The following ANKRD36C variants were observed in gnomAD, a reference collection of about 807,000 sequenced individuals.
ANKRD36C encodes the protein ankyrin repeat domain-containing protein 36C.
ANKRD36C carries 61 observed loss-of-function variants against 276.4 expected under a neutral mutation model. That is an observed-to-expected ratio of 0.22 (90% CI 0.18 to 0.27). The LOEUF (loss-of-function observed/expected upper bound fraction) is 0.27, where lower values mean the gene tolerates loss of function less well. ANKRD36C is among the 10% of genes least tolerant of loss of function. The pLI, the probability that ANKRD36C is intolerant of heterozygous loss-of-function variation, is 1.00. For synonymous variants in ANKRD36C, 483 were observed against 680.1 expected (o/e 0.71, Z 4.51); for missense variants, 1,447 against 2,032.3 (o/e 0.71, Z 5.54).
At chr2:95,940,734 C>T (rs1677858262) in intron 20 of ANKRD36C, among the ~76,000 whole-genome samples, 1 of 127,946 alleles carries the variant, frequency 7.8e-6, no homozygotes, top group Non-Finnish European at 1.6e-5. Context: ...GTTTCCTCAT[C>T]AGAAACCTCC....
chr2:95,922,496 A>T (rs568525031), intron 32 of ANKRD36C, among the ~76,000 whole-genome samples: 21 of 151,644 alleles, frequency 1.4e-4, no homozygotes, highest in Non-Finnish European at 2.7e-4. Flanking sequence ...TATAAACCTC[A>T]ATAAAAAGCA....
At position 95,886,117 on chromosome 2, in the gene ANKRD36C, T is replaced by C. The variant is rs1394504425; in HGVS notation, c.3094A>G (p.Thr1032Ala). 5 of 1,609,560 alleles carry C rather than the reference T, an allele frequency of 3.1e-6. 1 individual carries two copies. Among genetic ancestry groups the C allele is most frequent in the Middle Eastern group, 1.7e-4 (1 of 6,038 alleles). The stretch of plus-strand genomic sequence containing the variant: ...GAAACAGAATCTTTCTTGACACTTG[T>C]AGCCTGAATGGGATTTGAAACAAAA... The change falls in exon 52 of 67, where the codon ACA becomes GCA. Residue 1032 changes from threonine (T) to alanine (A), a missense_variant. Transcript: ENST00000456556.
chr2:95,964,796 C>G (rs201543129), intron 6 of ANKRD36C, among the ~76,000 whole-genome samples: 3 of 152,044 alleles, frequency 2.0e-5, no homozygotes, highest in Admixed American at 2.0e-4. Context: ...GCAGACAGTA[C>G]TGAGTAGTAA....
At chr2:95,916,215 A>T in intron 36 of ANKRD36C, 44 bp from the exon 39 acceptor site, 1 of 1,600,460 alleles carries the variant, frequency 6.2e-7, no homozygotes, top group Non-Finnish European at 8.5e-7. Flanking sequence ...CGTAAATATG[A>T]TAAAGTTATC....
chr2:95,869,735 G>C (rs1404961787), intron 59 of ANKRD36C, among the ~76,000 whole-genome samples: 1 of 152,216 alleles, frequency 6.6e-6, no homozygotes, highest in Non-Finnish European at 1.5e-5. Context: ...AAGTGGAAGG[G>C]GTCAGGGAGT....
chr2:95,871,856 G>C (rs1395228635), intron 59 of ANKRD36C, among the ~76,000 whole-genome samples: 1 of 150,260 alleles, frequency 6.7e-6, no homozygotes, highest in Non-Finnish European at 1.5e-5. Context: ...AAAAAGGCAG[G>C]GGTTGCAATC....
At position 95,902,963 on chromosome 2, in the gene ANKRD36C, A is replaced by G. The variant is rs1164967333; in HGVS notation, c.2654-3627T>C. 3 of 1,587,464 alleles carry G rather than the reference A, an allele frequency of 1.9e-6. 1 individual carries two copies. Among genetic ancestry groups the G allele is most frequent in the Non-Finnish European group, 2.6e-6 (3 of 1,164,902 alleles). ...ATCTTTCTCGTCTCTTGTAGCCTGAATGGAATTTGAAATGCAATAATAAAT... is the reference window on the plus strand; with the variant it reads ...ATCTTTCTCGTCTCTTGTAGCCTGAGTGGAATTTGAAATGCAATAATAAAT... On this transcript the variant is annotated intron_variant, in intron 42 of 66. Transcript: ENST00000456556.
At chr2:95,933,493 T>A (rs1477157322) in intron 24 of ANKRD36C, among the ~76,000 whole-genome samples, 1 of 152,224 alleles carries the variant, frequency 6.6e-6, no homozygotes, top group Non-Finnish European at 1.5e-5. Context: ...GTCTTTCTCA[T>A]CCCTTGTGAG....
At chr2:95,922,034 CG>C (rs891008551) in intron 32 of ANKRD36C, among the ~76,000 whole-genome samples, 2 of 151,468 alleles carry the variant, frequency 1.3e-5, no homozygotes, top group African/African-American at 4.8e-5. Context: ...TATGATTTCT[CG>C]TATATCTAAA....
At chr2:95,855,689 G>A in exon 63 of ANKRD36C, 1 of 1,612,072 alleles carries the variant, frequency 6.2e-7, no homozygotes, top group Non-Finnish European at 8.5e-7. Flanking sequence ...CGAGGACTCT[G>A]AACTTACTCT....
At chr2:95,959,925 C>A (rs911495418) in intron 10 of ANKRD36C, among the ~76,000 whole-genome samples, 1 of 152,220 alleles carries the variant, frequency 6.6e-6, no homozygotes, top group Non-Finnish European at 1.5e-5. Context: ...CTAAATGCAT[C>A]TGAAGTGAGT....
chr2:95,909,065 A>G (rs1246592476), intron 42 of ANKRD36C, among the ~76,000 whole-genome samples: 26 of 150,182 alleles, frequency 1.7e-4, no homozygotes, highest in Non-Finnish European at 3.1e-4. Flanking sequence ...GATCCCACTT[A>G]TCTTTCATGC....
chr2:95,981,855 C>T (rs1307538281), intron 4 of ANKRD36C, among the ~76,000 whole-genome samples: 1 of 152,028 alleles, frequency 6.6e-6, no homozygotes, highest in African/African-American at 2.4e-5. Flanking sequence ...TTAAAAGCAA[C>T]ATCAAAACAC....
intron 59 of ANKRD36C, among the ~76,000 whole-genome samples, chr2:95,869,585 G>A (rs950703835): frequency 3.5e-4 from 54 of 152,324 alleles, no homozygotes; most frequent in Admixed American, 6.5e-4. Flanking sequence ...CGTGAGCGAC[G>A]CAGAAGATGG....
intron 6 of ANKRD36C, among the ~76,000 whole-genome samples, chr2:95,970,263 C>G (rs1364918082): frequency 1.3e-5 from 2 of 152,186 alleles, no homozygotes; most frequent in African/African-American, 4.8e-5. Context: ...AGGGAAGATT[C>G]TGGTAGTTTG....
intron 42 of ANKRD36C, among the ~76,000 whole-genome samples, chr2:95,911,584 C>A (rs543048892): frequency 1.3e-5 from 2 of 151,562 alleles, no homozygotes; most frequent in East Asian, 3.9e-4. Context: ...CTAATAGTAA[C>A]AAAGAGGAGT....
intron 24 of ANKRD36C, among the ~76,000 whole-genome samples, chr2:95,933,913 T>G (rs1373670349): frequency 1.3e-5 from 2 of 152,304 alleles, no homozygotes; most frequent in African/African-American, 2.4e-5. Flanking sequence ...AACAAATTTA[T>G]GAGAAAAGAA....
At chr2:95,919,661 T>G in intron 34 of ANKRD36C, 72 bp downstream of exon 36, 133 of 364,882 alleles carry the variant, frequency 3.6e-4, no homozygotes, top group Non-Finnish European at 4.6e-4. Flanking sequence ...CACCCTCCGC[T>G]GATTTATTCG....
chr2:95,881,763 C>T (rs1239895061), intron 56 of ANKRD36C, among the ~76,000 whole-genome samples: 6 of 148,222 alleles, frequency 4.0e-5, no homozygotes, highest in Non-Finnish European at 9.0e-5. Context: ...TTCACTCAGG[C>T]TTCCTCAGCA....
Sources: gnomAD v4.1 joint callset for allele counts (sites outside exome capture counted in the v4.1 genomes callset) on GRCh38, gnomAD v4.1.1 for gene constraint, MANE v1.5 for transcripts, NCBI Gene and HGNC (gene_info 2026-07-23, HGNC 2026-07-21) for gene names.